Variants in KCNMA1 observed in about 807,000 individuals in gnomAD.
KCNMA1 encodes Calcium-activated potassium channel subunit alpha-1.
Under a neutral mutation model 140.0 loss-of-function variants are expected in KCNMA1, and 29 were observed. That is an observed-to-expected ratio of 0.21 (90% CI 0.15 to 0.28). The LOEUF (loss-of-function observed/expected upper bound fraction) is 0.28. Among genes scored for constraint, KCNMA1 ranks in the 10% least tolerant of loss-of-function variants. KCNMA1 has a pLI of 1.00. For synonymous variants in KCNMA1, 612 were observed against 611.9 expected, an observed-to-expected ratio of 1.00 and a Z score of 0.00; for missense variants, 880 against 1,602.2, an observed-to-expected ratio of 0.55 and a Z score of 7.70.
At chr10:77,096,574 A>G (rs1478048287) in intron 9 of KCNMA1, among the ~76,000 whole-genome samples, 1 of 152,224 alleles carries the variant, frequency 6.6e-6, no homozygotes, top group South Asian at 2.1e-4. Flanking sequence ...CTAGGAAGAC[A>G]ATGTAAAATG....
At chr10:77,318,652 G>A (rs568903584) in intron 2 of KCNMA1, among the ~76,000 whole-genome samples, 1 of 152,288 alleles carries the variant, frequency 6.6e-6, no homozygotes, top group East Asian at 1.9e-4. Context: ...TTGATGGTCA[G>A]TCCCTACTCA....
At chr10:77,339,361 T>C (rs776830846) in intron 2 of KCNMA1, among the ~76,000 whole-genome samples, 1 of 152,178 alleles carries the variant, frequency 6.6e-6, no homozygotes, top group Non-Finnish European at 1.5e-5. Flanking sequence ...GCTCATCTAA[T>C]CTGCTGCCTT....
chr10:77,485,401 T>C (rs997971431), intron 1 of KCNMA1, among the ~76,000 whole-genome samples: 10 of 152,220 alleles, frequency 6.6e-5, no homozygotes, highest in African/African-American at 2.4e-4. Context: ...TTTCTGATCA[T>C]TAGAATTTGG....
intron 3 of KCNMA1, among the ~76,000 whole-genome samples, chr10:77,238,246 G>A (rs956864633): frequency 5.3e-5 from 8 of 152,088 alleles, no homozygotes; most frequent in Non-Finnish European, 5.9e-5. Flanking sequence ...TGAGAAATAC[G>A]GCCTTGTACA....
chr10:76,894,912 C>A (rs1244280629), intron 25 of KCNMA1, among the ~76,000 whole-genome samples: 1 of 152,140 alleles, frequency 6.6e-6, no homozygotes, highest in African/African-American at 2.4e-5. Context: ...GACCACCCCT[C>A]ACATTGTGTT....
At chr10:77,236,463 C>A (rs994210971) in intron 3 of KCNMA1, among the ~76,000 whole-genome samples, 15 of 152,148 alleles carry the variant, frequency 9.9e-5, no homozygotes, top group African/African-American at 3.6e-4. Context: ...GACTGCTCAC[C>A]CCATGCCCCT....
intron 19 of KCNMA1, among the ~76,000 whole-genome samples, chr10:76,994,738 T>C (rs923335136): frequency 1.6e-4 from 24 of 152,252 alleles, no homozygotes; most frequent in African/African-American, 5.3e-4. Context: ...TTGCAGCTTC[T>C]AGGCTTCACT....
chr10:77,094,008 G>T (rs2096872171), intron 9 of KCNMA1, among the ~76,000 whole-genome samples: 1 of 152,158 alleles, frequency 6.6e-6, no homozygotes, highest in African/African-American at 2.4e-5. Flanking sequence ...CCTTTGAGGG[G>T]CCAGAGCTGG....
At chr10:76,941,051 A>AAGAAAGAAAGAAAGAAAGAG in intron 23 of KCNMA1, among the ~76,000 whole-genome samples, 1 of 62,910 alleles carries the variant, frequency 1.6e-5, no homozygotes, top group Non-Finnish European at 3.2e-5. Context: ...GAAAGAAAGA[A>AAGAAAGAAAGAAAGAAAGAG]AGAGAAAGAA....
intron 1 of KCNMA1, among the ~76,000 whole-genome samples, chr10:77,609,695 A>G (rs989255964): frequency 1.3e-5 from 2 of 152,228 alleles, no homozygotes; most frequent in Admixed American, 6.5e-5. Flanking sequence ...GTTGTATACA[A>G]TAAACAAGTA....
At chr10:77,318,507 T>C (rs940107058) in intron 2 of KCNMA1, among the ~76,000 whole-genome samples, 1 of 152,122 alleles carries the variant, frequency 6.6e-6, no homozygotes, top group Non-Finnish European at 1.5e-5. Context: ...AGAAGGCGGT[T>C]CACCTATCAT....
At chr10:77,258,396 T>C (rs1311383775) in intron 2 of KCNMA1, among the ~76,000 whole-genome samples, 1 of 152,112 alleles carries the variant, frequency 6.6e-6, no homozygotes. Context: ...ACACAAGACA[T>C]AGAAGGGCCA....
chr10:77,067,808 T>A (rs2096014501), intron 14 of KCNMA1, among the ~76,000 whole-genome samples: 1 of 152,202 alleles, frequency 6.6e-6, no homozygotes, highest in Non-Finnish European at 1.5e-5. Flanking sequence ...TGCAAACATG[T>A]GCCCATACAT....
intron 1 of KCNMA1, among the ~76,000 whole-genome samples, chr10:77,545,699 T>C (rs960059092): frequency 1.3e-5 from 2 of 152,126 alleles, no homozygotes; most frequent in African/African-American, 4.8e-5. Flanking sequence ...TTCAGGGAAA[T>C]ATTCTGCTCC....
chr10:76,944,004 A>C (rs919181954), intron 23 of KCNMA1, among the ~76,000 whole-genome samples: 1 of 152,150 alleles, frequency 6.6e-6, no homozygotes, highest in Non-Finnish European at 1.5e-5. Context: ...TGTAACAACT[A>C]TCCTCCAATT....
intron 2 of KCNMA1, among the ~76,000 whole-genome samples, chr10:77,376,027 T>C (rs548326903): frequency 6.6e-6 from 1 of 152,342 alleles, no homozygotes; most frequent in African/African-American, 2.4e-5. Context: ...GAACTTGGTA[T>C]TTGTTGATGA....
chr10:76,982,059 C>T (rs1178250412), intron 19 of KCNMA1, among the ~76,000 whole-genome samples: 1 of 152,144 alleles, frequency 6.6e-6, no homozygotes. Context: ...AAGTATGAGA[C>T]CCTTCTGGCT....
chr10:77,357,426 C>T (rs2093590793), intron 2 of KCNMA1, among the ~76,000 whole-genome samples: 1 of 152,206 alleles, frequency 6.6e-6, no homozygotes, highest in Admixed American at 6.5e-5. Context: ...CTGCCAGCCT[C>T]TGCTTAGATA....
At position 76,949,377 on chromosome 10, in the gene KCNMA1, G is replaced by C; in HGVS notation, c.2485-11C>G. The stretch of plus-strand genomic sequence containing the variant: ...AGCTTCACTTCGAGTCTACAACAGG[G>C]AGAAGTGGGTAAGAGTCAGAGAGAA... On this transcript the variant is annotated splice_polypyrimidine_tract_variant and intron_variant, in intron 21 of 27. Transcript: ENST00000286628. 6.2e-7 allele frequency: 1 copy of C among 1,608,156 alleles called. No homozygotes were observed. Among genetic ancestry groups the C allele is most frequent in the Non-Finnish European group, 8.5e-7 (1 of 1,175,156 alleles).
Sources: allele counts gnomAD v4.1 joint callset (sites outside exome capture counted in the v4.1 genomes callset), GRCh38; gene constraint gnomAD v4.1.1; transcripts MANE v1.5; gene names NCBI Gene and HGNC (gene_info 2026-07-23, HGNC 2026-07-21).